RASSF3: variants seen among roughly 807,000 people sequenced by gnomAD.
RASSF3 encodes the protein ras association domain-containing protein 3.
A neutral mutation model predicts 19.9 loss-of-function variants in RASSF3; 19 were observed. The ratio of observed to expected loss-of-function variants is 0.96; its 90% CI spans 0.67 to 1.40. RASSF3 has a LOEUF of 1.40. RASSF3 is among the 40% of genes most tolerant of loss of function. The pLI, the probability that RASSF3 is intolerant of heterozygous loss-of-function variation, is 0.00. For missense variants in RASSF3, 306 were observed against 289.8 expected (o/e 1.06, Z -0.41); for synonymous variants, 110 against 104.2 (o/e 1.06, Z -0.34).
chr12:64,578,052 C>G (rs1410737768), intron 2 of RASSF3, among the ~76,000 whole-genome samples: 2 of 151,890 alleles, frequency 1.3e-5, no homozygotes, highest in African/African-American at 4.8e-5. Flanking sequence ...AACCCCATCT[C>G]TACTAAAAAT....
intron 1 of RASSF3, among the ~76,000 whole-genome samples, chr12:64,657,216 G>C (rs1872190961): frequency 6.6e-6 from 1 of 151,814 alleles, no homozygotes; most frequent in African/African-American, 2.4e-5. Flanking sequence ...TTCGCCACGT[G>C]GGCCAGGATG....
chr12:64,633,161 T>G (rs759982581), intron 1 of RASSF3, among the ~76,000 whole-genome samples: 1 of 152,260 alleles, frequency 6.6e-6, no homozygotes, highest in Non-Finnish European at 1.5e-5. Flanking sequence ...ACTAGCTGGT[T>G]ATGTTTTTGA....
intron 2 of RASSF3, among the ~76,000 whole-genome samples, chr12:64,563,551 C>A (rs957483215): frequency 6.6e-6 from 1 of 152,154 alleles, no homozygotes; most frequent in Non-Finnish European, 1.5e-5. Context: ...CATGCTTTAC[C>A]AAGCCTTAGA....
intron 1 of RASSF3, among the ~76,000 whole-genome samples, chr12:64,684,572 C>A (rs1346574074): frequency 2.0e-5 from 3 of 151,968 alleles, no homozygotes; most frequent in Non-Finnish European, 4.4e-5. Context: ...GCTGGGTTTA[C>A]AAGCGTGCGC....
Position 64,695,075 on chromosome 12 carries a change from C to A in RASSF3, c.*163C>A. 1.5e-6 allele frequency: 1 copy of A among 681,310 alleles called. No individual in the cohort carries two copies. The highest frequency in any genetic ancestry group is 2.4e-6 in the Non-Finnish European group (1 of 414,792). 42.2% of individuals were successfully genotyped at this position (681,310 alleles called of 1,614,324 possible). On this transcript the variant is annotated 3_prime_UTR_variant, in exon 5 of 5. Coordinates refer to ENST00000542104, the MANE Select transcript of RASSF3 (RefSeq NM_178169.4). ...AAACCTGGTCACACAGCATCCTGCACCTTAGCGTCCCATGTAAGGGACTCT... is the reference window on the plus strand; with the variant it reads ...AAACCTGGTCACACAGCATCCTGCAACTTAGCGTCCCATGTAAGGGACTCT...
Sources: gnomAD v4.1 joint callset for allele counts (sites outside exome capture counted in the v4.1 genomes callset) on GRCh38, gnomAD v4.1.1 for gene constraint, MANE v1.5 for transcripts, NCBI Gene and HGNC (gene_info 2026-07-23, HGNC 2026-07-21) for gene names.